MON2: variants seen among roughly 807,000 people sequenced by gnomAD.
The protein encoded by MON2 is protein MON2 homolog.
In MON2, 84 loss-of-function variants were observed where a neutral mutation model predicts 208.6. The ratio of observed to expected loss-of-function variants is 0.40; its 90% CI spans 0.34 to 0.48. MON2 has a LOEUF of 0.48. MON2 is among the 20% of genes least tolerant of loss of function. MON2 has a pLI of 0.59. For synonymous variants in MON2, 660 were observed against 694.0 expected (o/e 0.95, Z 0.77); for missense variants, 1,611 against 2,015.4 (o/e 0.80, Z 3.84).
chr12:62,467,229 G>T lies in MON2; in HGVS notation c.22G>T (p.Glu8Ter). MSGTSSPEAVKKLLENMQ... is the reference protein window; with the variant it reads MSGTSSP ...GATCATGTCCGGCACCAGCAGCCCCGAGGCGGTGAAGAAGCTGCTGGAGAA... is the reference window on the plus strand; with the variant it reads ...GATCATGTCCGGCACCAGCAGCCCCTAGGCGGTGAAGAAGCTGCTGGAGAA... The change falls in exon 1 of 35, where the codon GAG (glutamate) becomes TAG (stop). Residue 8 changes from glutamate (E) to a stop codon, truncating the protein, a stop_gained. Transcript: ENST00000393630. LOFTEE classifies it high-confidence loss of function. 5 of 1,613,450 alleles carry T rather than the reference G, an allele frequency of 3.1e-6. No homozygotes were observed. The highest frequency in any genetic ancestry group is 3.4e-6 in the Non-Finnish European group (4 of 1,179,998).
intron 34 of MON2, among the ~76,000 whole-genome samples, chr12:62,592,384 C>T (rs943164332): frequency 6.6e-6 from 1 of 152,096 alleles, no homozygotes; most frequent in Admixed American, 6.5e-5. Flanking sequence ...TGACTGCACA[C>T]TGAGCATATA....
chr12:62,568,072 A>G (rs995485976), intron 29 of MON2, among the ~76,000 whole-genome samples: 6 of 152,220 alleles, frequency 3.9e-5, no homozygotes, highest in Admixed American at 3.3e-4. Context: ...AACTAAGTCA[A>G]CTGCTGAGGG....
intron 13 of MON2, among the ~76,000 whole-genome samples, 200 bp from the exon 14 acceptor site, chr12:62,535,319 GTATTAT>G (rs1295813970): frequency 6.6e-6 from 1 of 151,970 alleles, no homozygotes; most frequent in Non-Finnish European, 1.5e-5. Flanking sequence ...ATAAATACAT[GTATTAT>G]TATTCATTGC....
chr12:62,473,239 A>T (rs997365475), intron 1 of MON2, among the ~76,000 whole-genome samples: 1 of 152,224 alleles, frequency 6.6e-6, no homozygotes, highest in African/African-American at 2.4e-5. Context: ...GCAACATGCC[A>T]TATTAAATAT....
chr12:62,542,536 C>T (rs1293471402), intron 19 of MON2, among the ~76,000 whole-genome samples: 4 of 152,158 alleles, frequency 2.6e-5, no homozygotes, highest in African/African-American at 9.7e-5. Context: ...TCTTGTGACA[C>T]ATGGACCAGG....
rs1442803425 is a variant in MON2 at position 62,566,518 on chromosome 12, A to ATCATTATTCCT, written c.4323+69_4323+70insCATTATTCCTT. Reference sequence around the variant, plus strand: ...CATTATTGAAATTATTCCTTAGGTAATACATTATCATTATATTGGGATAAA... The same window carrying ATCATTATTCCT: ...CATTATTGAAATTATTCCTTAGGTAATCATTATTCCTTACATTATCATTATATTGGGATAAA... On this transcript the variant is annotated intron_variant, in intron 29 of 34. Transcript: ENST00000393630. 57 of 1,342,632 alleles carry ATCATTATTCCT rather than the reference A, an allele frequency of 4.2e-5. No individual in the cohort carries two copies. In the Admixed American group the frequency reaches 1.3e-3, roughly 30 times the overall value. The allele number at this position is 1,342,632 out of a possible 1,614,324, so 83.2% of individuals were successfully genotyped here. A position where few individuals can be genotyped will look rare whatever the true frequency, so the allele number is the denominator to read the frequency against.
At chr12:62,574,407 C>T (rs148475534) in intron 30 of MON2, among the ~76,000 whole-genome samples, 2,755 of 152,112 alleles carry the variant, frequency 0.018, 87 homozygotes, top group African/African-American at 0.062. Context: ...GACAGTGTCT[C>T]GCTCTGTCAC....
In MON2 at chr12:62,490,329, T is replaced by G. The variant is rs185763051; in HGVS notation, c.176-3586T>G. Among the ~76,000 whole-genome samples, 55 of 136,986 alleles carry G rather than the reference T, an allele frequency of 4.0e-4. No homozygotes were observed. The East Asian group carries it at 9.8e-3, about 24-fold the overall frequency. 89.9% of individuals were successfully genotyped at this position (136,986 alleles called of 152,430 possible). ...CATTAAAAAGAATCAGCTTTTTCTGTTTTTTTTTGTTTTGTTTTGTTTTTT... is the reference window on the plus strand; with the variant it reads ...CATTAAAAAGAATCAGCTTTTTCTGGTTTTTTTTGTTTTGTTTTGTTTTTT... On this transcript the variant is annotated intron_variant, in intron 2 of 34. Transcript: ENST00000393630.
chr12:62,579,486 G>A (rs1032042357), intron 31 of MON2, among the ~76,000 whole-genome samples: 7 of 151,758 alleles, frequency 4.6e-5, no homozygotes, highest in Non-Finnish European at 8.8e-5. Flanking sequence ...CACTTTGGGA[G>A]GTGGAGGCAG....
intron 20 of MON2, chr12:62,544,661 C>T (rs904201371): frequency 3.3e-6 from 3 of 920,680 alleles, no homozygotes; most frequent in African/African-American, 1.7e-5. Flanking sequence ...TTTTGTTTAC[C>T]CTGATATATA....
intron 32 of MON2, among the ~76,000 whole-genome samples, chr12:62,582,522 CTTTT>C (rs1433299738): frequency 6.6e-6 from 1 of 152,050 alleles, no homozygotes; most frequent in Non-Finnish European, 1.5e-5. Flanking sequence ...TTTTTGTTTT[CTTTT>C]TGTTTCGGAT....
intron 29 of MON2, among the ~76,000 whole-genome samples, chr12:62,569,406 C>G (rs2074503247): frequency 6.6e-6 from 1 of 152,182 alleles, no homozygotes; most frequent in Non-Finnish European, 1.5e-5. Context: ...GCCATTATGA[C>G]TGGCTGATCC....
In MON2 at chr12:62,524,621, T is replaced by G; in HGVS notation, c.1091T>G (p.Val364Gly). Residue 364 changes from valine (V) to glycine (G), a missense_variant, in exon 9 of 35, where the codon GTG becomes GGG. Val to Gly is a moderately radical substitution (Grantham distance 109). Transcript: ENST00000393630. The stretch of plus-strand genomic sequence containing the variant: ...GTGGAATCAATACACAGATTCTGTG[T>G]GCAGCCTCAACTATTAAGGTAAAAC... Reference protein sequence around the residue: ...VAVESIHRFCVQPQLLRSFCQ... With the variant: ...VAVESIHRFCGQPQLLRSFCQ... The G allele has an allele frequency of 1.2e-6, 2 of 1,613,248 alleles. No homozygotes were observed. Among genetic ancestry groups the G allele is most frequent in the Non-Finnish European group, 8.5e-7 (1 of 1,179,452 alleles).
intron 30 of MON2, among the ~76,000 whole-genome samples, chr12:62,575,331 G>A (rs2074734992): frequency 1.3e-5 from 2 of 152,120 alleles, no homozygotes; most frequent in Admixed American, 1.3e-4. Flanking sequence ...CACATTTTCA[G>A]TTTCATAACA....
intron 7 of MON2, among the ~76,000 whole-genome samples, chr12:62,504,272 T>C (rs1190637493): frequency 1.4e-5 from 2 of 142,568 alleles, no homozygotes; most frequent in African/African-American, 5.3e-5. Context: ...TGAGACAGCA[T>C]CTTGCTCTGT....
rs142474041 is a variant in MON2 at position 62,492,701 on chromosome 12, C to T, written c.176-1214C>T. Among the ~76,000 whole-genome samples, 1,108 of 148,202 alleles carry T rather than the reference C, an allele frequency of 7.5e-3. 5 individuals are homozygous for T. Among genetic ancestry groups the T allele is most frequent in the Non-Finnish European group, 0.013 (883 of 66,854 alleles). ...TTCTTATAATAAAAAATAATCACAG[C>T]CAGGCACGGTGGCTCACGCCTGTAA... On this transcript the variant is annotated intron_variant, in intron 2 of 34. Coordinates refer to ENST00000393630, the MANE Select transcript of MON2 (RefSeq NM_015026.3).
rs141680343 is a variant in MON2 at position 62,478,092 on chromosome 12, G to A, written c.112-6078G>A. Among the ~76,000 whole-genome samples, 273 of 152,016 alleles carry A rather than the reference G, an allele frequency of 1.8e-3. 1 individual carries two copies. The highest frequency in any genetic ancestry group is 6.1e-3 in the African/African-American group (254 of 41,448). On this transcript the variant is annotated intron_variant, in intron 1 of 34. Transcript: ENST00000393630. Reference sequence around the variant, plus strand: ...ATCCCTCTCTCTCCCCTTTTTAAGTGAGTTAGAATTGGCACTTGTAGATAT... The same window carrying A: ...ATCCCTCTCTCTCCCCTTTTTAAGTAAGTTAGAATTGGCACTTGTAGATAT...
chr12:62,531,649 C>T lies in MON2; in HGVS notation c.1401-789C>T, dbSNP rs1371531170. On this transcript the variant is annotated intron_variant, in intron 11 of 34. Coordinates refer to ENST00000393630, the MANE Select transcript of MON2 (RefSeq NM_015026.3). ...AGTTTGAACTTGACACACTGATGCT[C>T]TTATTCTCACCTTGTTGGCAGATTG... Among the ~76,000 whole-genome samples, 3 of 152,166 alleles carry T rather than the reference C, an allele frequency of 2.0e-5. No individual in the cohort carries two copies. In the East Asian group the frequency reaches 5.8e-4, roughly 29 times the overall value.
At chr12:62,495,873 G>A (rs1259379078) in intron 4 of MON2, among the ~76,000 whole-genome samples, 1 of 151,714 alleles carries the variant, frequency 6.6e-6, no homozygotes, top group Non-Finnish European at 1.5e-5. Flanking sequence ...CATGTATGAT[G>A]GCTAGTTCTC....
Sources: allele counts gnomAD v4.1 joint callset (sites outside exome capture counted in the v4.1 genomes callset), GRCh38; gene constraint gnomAD v4.1.1; transcripts MANE v1.5; gene names NCBI Gene and HGNC (gene_info 2026-07-23, HGNC 2026-07-21).